The following RBFOX3 variants were observed in gnomAD, a reference collection of about 807,000 sequenced individuals.
The protein encoded by RBFOX3 is RNA binding protein fox-1 homolog 3.
Under a neutral mutation model 48.7 loss-of-function variants are expected in RBFOX3, and 17 were observed. The ratio of observed to expected loss-of-function variants is 0.35; its 90% confidence interval spans 0.24 to 0.52. The LOEUF (loss-of-function observed/expected upper bound fraction) is 0.52. Ranked by LOEUF, RBFOX3 falls within the 20% of genes least tolerant of loss-of-function variation. RBFOX3 has a pLI of 0.94. For synonymous variants in RBFOX3, 212 were observed against 209.5 expected (o/e 1.01, Z -0.10); for missense variants, 382 against 497.5 (o/e 0.77, Z 2.21).
At chr17:79,432,338 T>C (rs2068616891) in intron 2 of RBFOX3, among the ~76,000 whole-genome samples, 1 of 152,184 alleles carries the variant, frequency 6.6e-6, no homozygotes, top group East Asian at 1.9e-4. Flanking sequence ...GGAGAGTCTT[T>C]TAAAAGATTG....
chr17:79,609,736 G>GCCGCGTCTCGGTCC (rs1411679939), intron 1 of RBFOX3, among the ~76,000 whole-genome samples: 1 of 151,128 alleles, frequency 6.6e-6, no homozygotes, highest in Non-Finnish European at 1.5e-5. Flanking sequence ...CACGCGGGGC[G>GCCGCGTCTCGGTCC]CCGCGTCTCG....
At chr17:79,536,573 T>C (rs929998954) in intron 1 of RBFOX3, among the ~76,000 whole-genome samples, 9 of 152,202 alleles carry the variant, frequency 5.9e-5, no homozygotes, top group Middle Eastern at 3.2e-3. Flanking sequence ...ATTGCCCTGA[T>C]GGGCAAGCTC....
At chr17:79,291,320 G>T (rs1191439001) in intron 3 of RBFOX3, among the ~76,000 whole-genome samples, 1 of 152,228 alleles carries the variant, frequency 6.6e-6, no homozygotes, top group Non-Finnish European at 1.5e-5. Context: ...TCGCTCTGCG[G>T]TGCCACATTT....
chr17:79,222,043 C>T (rs530692021), intron 4 of RBFOX3, among the ~76,000 whole-genome samples: 4 of 152,274 alleles, frequency 2.6e-5, no homozygotes, highest in Admixed American at 1.3e-4. Flanking sequence ...CCACCAGAGC[C>T]GATGCCATAG....
chr17:79,177,198 G>A lies in RBFOX3; in HGVS notation c.-34+58568C>T, dbSNP rs188146152. ...CAGAGCTGGCCCAAGGCCACCACTG[G>A]CCTCCTCCTCTCCCCCCCCGCCCTC... On this transcript the variant is annotated intron_variant, in intron 4 of 14. Transcript: ENST00000693108. 8.0e-4 allele frequency among the ~76,000 whole-genome samples: 118 copies of A among 147,990 alleles called. 2 individuals are homozygous for A. The highest frequency in any genetic ancestry group is 5.2e-3 in the Admixed American group (79 of 15,216).
chr17:79,500,555 T>C (rs1810231), intron 1 of RBFOX3, among the ~76,000 whole-genome samples: 82,778 of 152,068 alleles, frequency 0.54, 24,137 homozygotes, highest in Non-Finnish European at 0.66. Flanking sequence ...CCATGCCCAG[T>C]CATTGATTGT....
intron 4 of RBFOX3, among the ~76,000 whole-genome samples, chr17:79,194,753 G>GTGTGTGTGTGT (rs1555599582): frequency 0.012 from 1,859 of 149,094 alleles, 45 homozygotes; most frequent in East Asian, 0.098. Context: ...TGTGTGTGTG[G>GTGTGTGTGTGT]GTGTGTGTGT....
At chr17:79,288,326 C>A (rs2072449732) in intron 3 of RBFOX3, among the ~76,000 whole-genome samples, 1 of 152,190 alleles carries the variant, frequency 6.6e-6, no homozygotes, top group Non-Finnish European at 1.5e-5. Flanking sequence ...GACGGGCACA[C>A]AAATACTTGC....
In RBFOX3 at chr17:79,105,382, A is replaced by G. The variant is rs534443484; in HGVS notation, c.361-1256T>C. On this transcript the variant is annotated intron_variant, in intron 6 of 14. Transcript: ENST00000693108. ...TGGTGTCCCCGTCCTGCAGGGACTGAGTGTATGTAAACAGGTCCCCTGCAG... is the reference window on the plus strand; with the variant it reads ...TGGTGTCCCCGTCCTGCAGGGACTGGGTGTATGTAAACAGGTCCCCTGCAG... Among the ~76,000 whole-genome samples, 105 of 152,252 alleles carry G rather than the reference A, an allele frequency of 6.9e-4. 1 individual carries two copies. Among genetic ancestry groups the G allele is most frequent in the African/African-American group, 2.4e-3 (101 of 41,542 alleles).
upstream of RBFOX3, among the ~76,000 whole-genome samples, chr17:79,615,143 C>A (rs2093989038): frequency 6.6e-6 from 1 of 152,116 alleles, no homozygotes; most frequent in South Asian, 2.1e-4. Flanking sequence ...ATTCTCAACA[C>A]AAAGAGGGCA....
At chr17:79,272,650 G>T (rs1031626605) in intron 3 of RBFOX3, among the ~76,000 whole-genome samples, 3 of 152,166 alleles carry the variant, frequency 2.0e-5, no homozygotes, top group Admixed American at 6.5e-5. Context: ...CCCCCTTTGG[G>T]GACTTCCCTG....
intron 1 of RBFOX3, among the ~76,000 whole-genome samples, chr17:79,515,570 G>C (rs2085133507): frequency 6.6e-6 from 1 of 152,182 alleles, no homozygotes; most frequent in Admixed American, 6.5e-5. Flanking sequence ...CCTTCTCAGA[G>C]TCTCTGCTCT....
intron 14 of RBFOX3, chr17:79,092,601 T>C (rs1451174526): frequency 1.2e-5 from 12 of 986,780 alleles, no homozygotes; most frequent in Non-Finnish European, 1.4e-5. Flanking sequence ...CTCTTGCTAG[T>C]AGGGGGTGAA....
At chr17:79,350,045 G>A (rs1006189251) in intron 2 of RBFOX3, among the ~76,000 whole-genome samples, 10 of 152,096 alleles carry the variant, frequency 6.6e-5, no homozygotes, top group South Asian at 4.1e-4. Flanking sequence ...CTCATCCCTC[G>A]CAGATCCATT....
the RBFOX3 span, among the ~76,000 whole-genome samples, chr17:79,640,668 T>A: frequency 6.6e-6 from 1 of 152,076 alleles, no homozygotes; most frequent in Non-Finnish European, 1.5e-5. Context: ...AATCAACAGA[T>A]CTTCAACAAG....
chr17:79,646,685 G>A, the RBFOX3 span, among the ~76,000 whole-genome samples: 2 of 152,066 alleles, frequency 1.3e-5, no homozygotes, highest in African/African-American at 4.8e-5. Flanking sequence ...TTGGGTGGGG[G>A]CACAGCCAAA....
chr17:79,192,744 G>A (rs1196436840), intron 4 of RBFOX3, among the ~76,000 whole-genome samples: 1 of 152,104 alleles, frequency 6.6e-6, no homozygotes, highest in Non-Finnish European at 1.5e-5. Flanking sequence ...TGTCTCCCTG[G>A]GCCCAAACAA....
At chr17:79,265,996 G>A (rs746708310) in intron 3 of RBFOX3, among the ~76,000 whole-genome samples, 6 of 152,200 alleles carry the variant, frequency 3.9e-5, no homozygotes, top group Non-Finnish European at 5.9e-5. Context: ...ATCCATTCCC[G>A]CTGTAACAGA....
intron 3 of RBFOX3, among the ~76,000 whole-genome samples, chr17:79,257,875 C>A (rs1046626789): frequency 1.3e-5 from 2 of 152,120 alleles, no homozygotes; most frequent in Non-Finnish European, 2.9e-5. Context: ...GCCACCATGC[C>A]TGGTCTGTCC....
Sources: gnomAD v4.1 joint callset for allele counts (sites outside exome capture counted in the v4.1 genomes callset) on GRCh38, gnomAD v4.1.1 for gene constraint, MANE v1.5 for transcripts, NCBI Gene and HGNC (gene_info 2026-07-23, HGNC 2026-07-21) for gene names.